The following SEMA6A variants were observed in gnomAD, a reference collection of about 807,000 sequenced individuals.
The protein encoded by SEMA6A is semaphorin 6A, also known as semaphorin-6A.
Under a neutral mutation model 96.8 loss-of-function variants are expected in SEMA6A, and 25 were observed. The ratio of observed to expected loss-of-function variants is 0.26; its 90% CI spans 0.19 to 0.36. The LOEUF (loss-of-function observed/expected upper bound fraction) is 0.36, where lower values mean the gene tolerates loss of function less well. Ranked by LOEUF, SEMA6A falls within the 10% of genes least tolerant of loss-of-function variation. The probability of loss-of-function intolerance (pLI) is 1.00; values close to 1 mark genes in which losing one functional copy is unlikely to be tolerated. For synonymous variants in SEMA6A, 612 were observed against 518.0 expected (o/e 1.18, Z -2.46); for missense variants, 1,363 against 1,323.1 (o/e 1.03, Z -0.47).
At chr5:116,534,995 A>AT (rs1249017149) in intron 1 of SEMA6A, among the ~76,000 whole-genome samples, 26 of 152,398 alleles carry the variant, frequency 1.7e-4, no homozygotes, top group African/African-American at 6.0e-4. Context: ...CCTTGCATAT[A>AT]CATAAATCAG....
intron 6 of SEMA6A, 58 bp from the exon 7 acceptor site, chr5:116,491,888 C>T: frequency 7.2e-7 from 1 of 1,383,614 alleles, no homozygotes; most frequent in Non-Finnish European, 1.0e-6. Flanking sequence ...GCCCTAAACC[C>T]TCAGAAATAA....
chr5:116,496,981 A>G (rs566874933), intron 4 of SEMA6A, among the ~76,000 whole-genome samples: 5 of 152,388 alleles, frequency 3.3e-5, no homozygotes, highest in Admixed American at 6.5e-5. Context: ...GAAATATAAC[A>G]TTGAAACCTT....
intron 18 of SEMA6A, among the ~76,000 whole-genome samples, chr5:116,460,222 G>A (rs1035889025): frequency 6.6e-6 from 1 of 152,088 alleles, no homozygotes; most frequent in African/African-American, 2.4e-5. Flanking sequence ...TGATTTCTGA[G>A]CCTTCCTTAC....
chr5:116,551,316 AT>A (rs1760397347), intron 1 of SEMA6A, among the ~76,000 whole-genome samples: 1 of 129,204 alleles, frequency 7.7e-6, no homozygotes, highest in Non-Finnish European at 1.6e-5. Context: ...TAGTCTTAGC[AT>A]ACACACACAC....
chr5:116,480,150 T>C lies in SEMA6A; in HGVS notation c.1222A>G (p.Arg408Gly), dbSNP rs763088977. The change falls in exon 12 of 19, where the codon AGG (arginine) becomes GGG (glycine). Residue 408 changes from arginine (R) to glycine (G), a missense_variant. Arg to Gly is a moderately radical substitution (Grantham distance 125, BLOSUM62 -2). Transcript: ENST00000343348. ...MDEAVPSIFNRPWFLRTMVRY... is the reference protein window; with the variant it reads ...MDEAVPSIFNGPWFLRTMVRY... ...ACCATTGTTCTCAGGAACCATGGCC[T>C]GTTGAAGATGGAGGGCACTGCCTCA... The C allele has an allele frequency of 1.2e-6, 2 of 1,613,670 alleles. No homozygotes were observed. Among genetic ancestry groups the C allele is most frequent in the African/African-American group, 2.7e-5 (2 of 74,896 alleles).
intron 7 of SEMA6A, among the ~76,000 whole-genome samples, chr5:116,490,631 G>A (rs912327760): frequency 3.3e-5 from 5 of 152,288 alleles, no homozygotes; most frequent in East Asian, 1.9e-4. Flanking sequence ...GGGAGAACCC[G>A]AGGAACCTGC....
intron 1 of SEMA6A, among the ~76,000 whole-genome samples, chr5:116,517,643 A>C (rs1197717869): frequency 4.6e-5 from 7 of 152,214 alleles, no homozygotes; most frequent in Non-Finnish European, 1.5e-5. Flanking sequence ...CGACAAGAAC[A>C]GACTTCCACA....
intron 10 of SEMA6A, among the ~76,000 whole-genome samples, chr5:116,484,091 G>GTGATTC: frequency 6.7e-6 from 1 of 149,238 alleles, no homozygotes; most frequent in East Asian, 2.0e-4. Flanking sequence ...AAAAAAGACA[G>GTGATTC]TGATTCTCAT....
intron 1 of SEMA6A, among the ~76,000 whole-genome samples, chr5:116,524,771 T>TAC (rs905399420): frequency 3.6e-3 from 68 of 19,144 alleles, no homozygotes; most frequent in Non-Finnish European, 6.6e-3. Flanking sequence ...TGGGTATGTA[T>TAC]ACACACACAC....
At chr5:116,549,129 A>G (rs12332328) in intron 1 of SEMA6A, among the ~76,000 whole-genome samples, 9,507 of 152,248 alleles carry the variant, frequency 0.062, 636 homozygotes, top group African/African-American at 0.16. Context: ...AAAACATCAC[A>G]TGCTAAATTC....
At chr5:116,521,786 G>A (rs538196034) in intron 1 of SEMA6A, among the ~76,000 whole-genome samples, 3 of 151,690 alleles carry the variant, frequency 2.0e-5, no homozygotes, top group African/African-American at 2.4e-5. Context: ...GTGAGGGAGA[G>A]AAAGAGATCA....
intron 18 of SEMA6A, 138 bp from the exon 19 acceptor site, chr5:116,447,949 C>T: frequency 1.4e-6 from 1 of 727,868 alleles, no homozygotes; most frequent in Admixed American, 2.9e-5. Flanking sequence ...CCAAGCTCAG[C>T]TTGCCAAACA....
At chr5:116,496,560 GAGAAA>G (rs1757612294) in intron 4 of SEMA6A, among the ~76,000 whole-genome samples, 1 of 152,000 alleles carries the variant, frequency 6.6e-6, no homozygotes, top group Admixed American at 6.5e-5. Context: ...AAAGATGAAG[GAGAAA>G]AGAAAGAAGA....
In SEMA6A at chr5:116,568,821, T is replaced by TAC. The variant is rs10531207; in HGVS notation, c.-39+5362_-39+5363dup. On this transcript the variant is annotated intron_variant, in intron 1 of 18. Coordinates refer to ENST00000343348, the MANE Select transcript of SEMA6A (RefSeq NM_020796.5). Reference sequence around the variant, plus strand: ...TACCACCTATGTGCTTGGAAGATTGTACACACACACACACACACACACACA... The same window carrying TAC: ...TACCACCTATGTGCTTGGAAGATTGTACACACACACACACACACACACACACA... Among the ~76,000 whole-genome samples the TAC allele has an allele frequency of 9.5e-3, 1,438 of 150,744 alleles. 19 individuals carry two copies. Among genetic ancestry groups the TAC allele is most frequent in the African/African-American group, 0.03 (1,237 of 40,998 alleles).
At chr5:116,553,210 A>C (rs556732638) in intron 1 of SEMA6A, among the ~76,000 whole-genome samples, 30 of 152,368 alleles carry the variant, frequency 2.0e-4, no homozygotes, top group African/African-American at 6.0e-4. Context: ...TTTTATTAAC[A>C]TATTCACTTT....
At chr5:116,519,169 T>TG (rs1324412574) in intron 1 of SEMA6A, among the ~76,000 whole-genome samples, 1 of 152,160 alleles carries the variant, frequency 6.6e-6, no homozygotes, top group Admixed American at 6.5e-5. Context: ...GCTCCAGTCT[T>TG]GCAAGATTCC....
chr5:116,520,696 G>GCCTA (rs1213017804), intron 1 of SEMA6A, among the ~76,000 whole-genome samples: 7 of 152,168 alleles, frequency 4.6e-5, no homozygotes, highest in African/African-American at 1.7e-4. Flanking sequence ...ACATGGACTA[G>GCCTA]CCTACCTAAG....
intron 1 of SEMA6A, among the ~76,000 whole-genome samples, chr5:116,564,513 C>T (rs1393009761): frequency 2.0e-5 from 3 of 152,166 alleles, no homozygotes; most frequent in South Asian, 2.1e-4. Context: ...TACCACTATC[C>T]GTTGCACAAG....
At chr5:116,529,953 C>T (rs1014340147) in intron 1 of SEMA6A, among the ~76,000 whole-genome samples, 1 of 151,894 alleles carries the variant, frequency 6.6e-6, no homozygotes, top group Non-Finnish European at 1.5e-5. Flanking sequence ...CACAATTTAC[C>T]CATGTAACAA....
Sources: gnomAD v4.1 joint callset for allele counts (sites outside exome capture counted in the v4.1 genomes callset) on GRCh38, gnomAD v4.1.1 for gene constraint, MANE v1.5 for transcripts, NCBI Gene and HGNC (gene_info 2026-07-23, HGNC 2026-07-21) for gene names.